Variants in ASNS observed in about 807,000 individuals in gnomAD.
The protein encoded by ASNS is asparagine synthetase [glutamine-hydrolyzing].
In ASNS, 37 loss-of-function variants were observed where a neutral mutation model predicts 62.6. The ratio of observed to expected loss-of-function variants is 0.59; its 90% confidence interval spans 0.45 to 0.78. The LOEUF (loss-of-function observed/expected upper bound fraction) is 0.78. Among genes scored for constraint, ASNS ranks in the 30% least tolerant of loss-of-function variants. ASNS has a pLI of 0.00. For missense variants in ASNS, 520 were observed against 682.4 expected (o/e 0.76, Z 2.65); for synonymous variants, 207 against 237.9 (o/e 0.87, Z 1.19).
intron 9 of ASNS, 174 bp from the exon 10 acceptor site, chr7:97,854,854 C>T: frequency 1.8e-6 from 2 of 1,108,982 alleles, no homozygotes; most frequent in South Asian, 1.5e-5. Flanking sequence ...TTCCTTCCTA[C>T]CAAACTGCTA....
chr7:97,892,743 C>G, the ASNS span, among the ~76,000 whole-genome samples: 7 of 152,338 alleles, frequency 4.6e-5, no homozygotes, highest in East Asian at 1.2e-3. Context: ...CAGTTCCTAA[C>G]AAGTTCCTCA....
chr7:97,861,718 G>C (rs1317971739), intron 4 of ASNS, among the ~76,000 whole-genome samples: 2 of 152,192 alleles, frequency 1.3e-5, no homozygotes, highest in Non-Finnish European at 2.9e-5. Flanking sequence ...CTGGGATTCT[G>C]ATAGGGATCA....
At chr7:97,902,278 T>C in the ASNS span, among the ~76,000 whole-genome samples, 1 of 152,096 alleles carries the variant, frequency 6.6e-6, no homozygotes, top group Admixed American at 6.6e-5. Flanking sequence ...TTCAGAGTAG[T>C]TCAAATTAAG....
chr7:97,858,334 G>A lies in ASNS; in HGVS notation c.847C>T (p.Leu283Phe), dbSNP rs368211321. 1.9e-6 allele frequency: 3 copies of A among 1,613,958 alleles called. No individual in the cohort carries two copies. The highest frequency in any genetic ancestry group is 2.7e-5 in the African/African-American group (2 of 74,922). The change falls in exon 7 of 13, where the codon CTC becomes TTC. Residue 283 changes from leucine to phenylalanine, a missense_variant. Transcript: ENST00000394308. ...TCCATGCCAATTGCAAATGTCTGGAGAGGATACTGTACTTGGGCTTCTTTC... is the reference window on the plus strand; with the variant it reads ...TCCATGCCAATTGCAAATGTCTGGAAAGGATACTGTACTTGGGCTTCTTTC... Reference protein sequence around the residue: ...QLKEAQVQYPLQTFAIGMEDS... With the variant: ...QLKEAQVQYPFQTFAIGMEDS...
rs568570377 is a variant in ASNS, at chr7:97,852,389, C to T, written c.1556G>A (p.Arg519His). Reference sequence around the variant, plus strand: ...TGGGTAATGGCGTTCAAAGACTTGACGGTAGTAATATCCTTCTTTGGTTTT... The same window carrying T: ...TGGGTAATGGCGTTCAAAGACTTGATGGTAGTAATATCCTTCTTTGGTTTT... ...TPKTKEGYYY[R>H]QVFERHYPGR... Residue 519 changes from arginine to histidine, a missense_variant, in exon 13 of 13, where the codon CGT (arginine) becomes CAT (histidine). Arg to His is a conservative substitution (Grantham distance 29). Coordinates refer to ENST00000394308, the MANE Select transcript of ASNS (RefSeq NM_001673.5). The T allele has an allele frequency of 3.0e-5, 48 of 1,613,970 alleles. No individual in the cohort carries two copies. Among genetic ancestry groups the T allele is most frequent in the African/African-American group, 6.7e-5 (5 of 74,896 alleles).
chr7:97,913,778 G>C, the ASNS span, among the ~76,000 whole-genome samples: 3 of 151,060 alleles, frequency 2.0e-5, no homozygotes, highest in Admixed American at 6.6e-5. Context: ...GAGTCTTTGT[G>C]GAATAAATGA....
the ASNS span, among the ~76,000 whole-genome samples, chr7:97,893,344 C>T: frequency 5.9e-5 from 9 of 152,110 alleles, no homozygotes; most frequent in Admixed American, 5.2e-4. Flanking sequence ...TACAAAATAA[C>T]CAGAAAACAA....
the ASNS span, among the ~76,000 whole-genome samples, chr7:97,880,516 C>A: frequency 6.6e-6 from 1 of 152,118 alleles, no homozygotes; most frequent in Non-Finnish European, 1.5e-5. Context: ...ACAGGGGAAA[C>A]CTAGGGGTGT....
At chr7:97,901,103 G>T in the ASNS span, among the ~76,000 whole-genome samples, 2 of 152,190 alleles carry the variant, frequency 1.3e-5, no homozygotes, top group Non-Finnish European at 2.9e-5. Flanking sequence ...TCTAGTAGAC[G>T]CTGCAGGATG....
Position 97,853,207 on chromosome 7 carries a change from T to C in ASNS, c.1329A>G (p.Ile443Met). ...PPEMRIPKNG[I>M]EKHLLRETFE... ...ACGTCTCTCTCAGGAGATGTTTTTC[T>C]ATCCCATTCTGACGTGACAAAAAAA... Residue 443 changes from isoleucine to methionine, a missense_variant, in exon 12 of 13, where the codon ATA becomes ATG. Physicochemically the swap from Ile to Met is conservative, Grantham distance 10. Transcript: ENST00000394308. 1.2e-6 allele frequency: 2 copies of C among 1,606,180 alleles called. No individual in the cohort carries two copies. Among genetic ancestry groups the C allele is most frequent in the Non-Finnish European group, 1.7e-6 (2 of 1,176,722 alleles).
chr7:97,907,813 T>C, the ASNS span, among the ~76,000 whole-genome samples: 3 of 150,234 alleles, frequency 2.0e-5, no homozygotes, highest in African/African-American at 7.3e-5. Flanking sequence ...TGGGTGCCTA[T>C]AATTTCTAAG....
At position 97,859,312 on chromosome 7, in the gene ASNS, G is replaced by C; in HGVS notation, c.574C>G (p.Pro192Ala). 1 of 1,614,066 alleles carries C rather than the reference G, an allele frequency of 6.2e-7. No individual in the cohort carries two copies. The highest frequency in any genetic ancestry group is 8.5e-7 in the Non-Finnish European group (1 of 1,179,992). Residue 192 changes from proline (P) to alanine (A), a missense_variant, in exon 5 of 13, where the codon CCA (proline) becomes GCA (alanine). Transcript: ENST00000394308. ...PGHYEVLDLKPNGKVASVEMV... is the reference protein window; with the variant it reads ...PGHYEVLDLKANGKVASVEMV... ...TCCACGGATGCAACTTTGCCATTTG[G>C]CTTTAAATCCAAAACTTCATAGTGT...
At position 97,868,518 on chromosome 7, in the gene ASNS, C is replaced by CGTGTGT. The variant is rs543590888; in HGVS notation, c.249+389_249+390insACACAC. ...GTACTCTCAAATGATTCAGCAAAAA[C>CGTGTGT]ATGTGTGTGTGTGTGTGTGTGTGTG... On this transcript the variant is annotated intron_variant, in intron 3 of 12. Coordinates refer to ENST00000394308, the MANE Select transcript of ASNS (RefSeq NM_001673.5). Among the ~76,000 whole-genome samples, 497 of 62,102 alleles carry CGTGTGT rather than the reference C, an allele frequency of 8.0e-3. 4 individuals carry two copies. Among genetic ancestry groups the CGTGTGT allele is most frequent in the African/African-American group, 0.024 (242 of 9,988 alleles). 40.7% of individuals were successfully genotyped at this position (62,102 alleles called of 152,430 possible). A position where few individuals can be genotyped will look rare whatever the true frequency, so the allele number is the denominator to read the frequency against.
At chr7:97,920,406 T>C in the ASNS span, among the ~76,000 whole-genome samples, 1 of 147,792 alleles carries the variant, frequency 6.8e-6, no homozygotes, top group African/African-American at 2.5e-5. Context: ...CACCCCCCAA[T>C]GCCCCCCGGC....
chr7:97,871,907 C>G (rs1479958181), intron 1 of ASNS: 1 of 152,292 alleles, frequency 6.6e-6, no homozygotes, highest in Non-Finnish European at 1.5e-5. Context: ...CTTCCTAGAT[C>G]AGGACCACGC....
the ASNS span, chr7:97,898,420 C>A: frequency 7.8e-6 from 4 of 515,732 alleles, no homozygotes; most frequent in Non-Finnish European, 3.6e-6. Context: ...GTGGGTTTTC[C>A]AGAACTACTA....
intron 4 of ASNS, among the ~76,000 whole-genome samples, chr7:97,862,779 AT>A (rs912009638): frequency 1.3e-5 from 2 of 151,988 alleles, no homozygotes; most frequent in Non-Finnish European, 2.9e-5. Context: ...AAAAAAAAAA[AT>A]AAAGTCTATT....
At chr7:97,903,126 C>A in the ASNS span, among the ~76,000 whole-genome samples, 2 of 151,926 alleles carry the variant, frequency 1.3e-5, no homozygotes, top group African/African-American at 4.8e-5. Context: ...CTGACATACA[C>A]ACTATCACAC....
chr7:97,882,437 A>G, the ASNS span, among the ~76,000 whole-genome samples: 3 of 151,918 alleles, frequency 2.0e-5, no homozygotes, highest in Non-Finnish European at 2.9e-5. Context: ...AAGCCCAGCT[A>G]CTCGGGAGGC....
Sources: gnomAD v4.1 joint callset for allele counts (sites outside exome capture counted in the v4.1 genomes callset) on GRCh38, gnomAD v4.1.1 for gene constraint, MANE v1.5 for transcripts, NCBI Gene and HGNC (gene_info 2026-07-23, HGNC 2026-07-21) for gene names.